Variants in RABEP1 observed in about 807,000 individuals in gnomAD.
The protein encoded by RABEP1 is rab GTPase-binding effector protein 1.
In RABEP1, 51 loss-of-function variants were observed where a neutral mutation model predicts 123.4. The observed-to-expected ratio is 0.41, with a 90% CI of 0.33 to 0.52. The LOEUF (loss-of-function observed/expected upper bound fraction) is 0.52. RABEP1 is among the 20% of genes least tolerant of loss of function. The pLI is 0.16. For synonymous variants in RABEP1, 347 were observed against 355.2 expected, an observed-to-expected ratio of 0.98 and a Z score of 0.26; for missense variants, 888 against 996.3, an observed-to-expected ratio of 0.89 and a Z score of 1.46.
chr17:5,358,049 G>A (rs1238084432), intron 8 of RABEP1, among the ~76,000 whole-genome samples: 1 of 152,114 alleles, frequency 6.6e-6, no homozygotes, highest in Non-Finnish European at 1.5e-5. Flanking sequence ...GGAGGTGGTT[G>A]GGATATGGGT....
intron 12 of RABEP1, 104 bp from the exon 13 acceptor site, chr17:5,373,210 C>A (rs766746549): frequency 1.9e-6 from 2 of 1,053,370 alleles, no homozygotes; most frequent in Non-Finnish European, 2.6e-6. Flanking sequence ...CATACCCCGT[C>A]CATCCTCAGC....
intron 7 of RABEP1, among the ~76,000 whole-genome samples, chr17:5,353,241 T>C (rs1908720315): frequency 6.6e-6 from 1 of 152,226 alleles, no homozygotes; most frequent in Non-Finnish European, 1.5e-5. Flanking sequence ...CCTGGAACCC[T>C]TAATTGTCTC....
intron 1 of RABEP1, among the ~76,000 whole-genome samples, chr17:5,295,171 CAG>C (rs1194954066): frequency 6.6e-6 from 1 of 151,636 alleles, no homozygotes; most frequent in Non-Finnish European, 1.5e-5. Flanking sequence ...CACCTGAAGT[CAG>C]GGGTTCGAGA....
chr17:5,306,487 G>A (rs898912232), intron 1 of RABEP1, among the ~76,000 whole-genome samples: 1 of 152,084 alleles, frequency 6.6e-6, no homozygotes, highest in East Asian at 1.9e-4. Flanking sequence ...TATTAGCTGG[G>A]CGTGGTGGCA....
In RABEP1 at chr17:5,361,361, T is replaced by C. The variant is rs201180289; in HGVS notation, c.1249T>C (p.Leu417=). Residue 417 remains leucine, a synonymous_variant, in exon 9 of 18, where the codon TTG becomes CTG. Coordinates refer to ENST00000537505, the MANE Select transcript of RABEP1 (RefSeq NM_004703.6). ...AGACAGCTTGGGAACCTCGGGCTCA[T>C]TGCAATCCAAAGCTTTAGGCTATAA... ...STDSLGTSGS[L]QSKALGYNYK... 378 of 1,614,052 alleles carry C rather than the reference T, an allele frequency of 2.3e-4. 1 individual carries two copies. Among genetic ancestry groups the C allele is most frequent in the Non-Finnish European group, 2.8e-4 (335 of 1,180,048 alleles).
chr17:5,324,345 T>C (rs1053223983), intron 2 of RABEP1, among the ~76,000 whole-genome samples: 1 of 151,974 alleles, frequency 6.6e-6, no homozygotes. Flanking sequence ...AAAAGGAAAG[T>C]CTCTTCAATA....
rs2144647879 is a variant in RABEP1, at chr17:5,350,602, A to G, written c.936A>G (p.Gln312=). 1 of 1,613,926 alleles carries G rather than the reference A, an allele frequency of 6.2e-7. No homozygotes were observed. Among genetic ancestry groups the G allele is most frequent in the Non-Finnish European group, 8.5e-7 (1 of 1,179,952 alleles). Reference sequence around the variant, plus strand: ...TGCTAACTTCAGAACAGCTCCGACAAGTTGAAGAACTGAAGAAGAAAGATC... The same window carrying G: ...TGCTAACTTCAGAACAGCTCCGACAGGTTGAAGAACTGAAGAAGAAAGATC... ...EIVLTSEQLR[Q]VEELKKKDQE... The change falls in exon 7 of 18, where the codon CAA becomes CAG. Residue 312 remains glutamine, a synonymous_variant. Coordinates refer to ENST00000537505, the MANE Select transcript of RABEP1 (RefSeq NM_004703.6).
At chr17:5,320,232 A>G (rs1290676644) in intron 2 of RABEP1, among the ~76,000 whole-genome samples, 2 of 152,068 alleles carry the variant, frequency 1.3e-5, no homozygotes, top group Non-Finnish European at 2.9e-5. Flanking sequence ...GACACCTTCA[A>G]TGTGCTGAAA....
chr17:5,333,873 C>G (rs1906795918), intron 3 of RABEP1, among the ~76,000 whole-genome samples: 1 of 152,118 alleles, frequency 6.6e-6, no homozygotes, highest in Non-Finnish European at 1.5e-5. Context: ...CTAGAAGTAC[C>G]CAGCATATCC....
At chr17:5,350,117 A>AGAG (rs1216038804) in intron 6 of RABEP1, among the ~76,000 whole-genome samples, 1 of 152,132 alleles carries the variant, frequency 6.6e-6, no homozygotes, top group Non-Finnish European at 1.5e-5. Context: ...GCGGTGGCTC[A>AGAG]CGCCTGTAAT....
intron 1 of RABEP1, among the ~76,000 whole-genome samples, chr17:5,294,633 C>CTTGTTTTTTTT (rs2075063715): frequency 1.9e-5 from 1 of 53,024 alleles, no homozygotes; most frequent in Non-Finnish European, 3.4e-5. Context: ...ACGGTATTGT[C>CTTGTTTTTTTT]TTTTTTTTTT....
intron 2 of RABEP1, among the ~76,000 whole-genome samples, chr17:5,323,758 G>A (rs1356153150): frequency 2.5e-5 from 2 of 79,790 alleles, no homozygotes; most frequent in Non-Finnish European, 4.7e-5. Flanking sequence ...ATATATCTAG[G>A]AATATATATA....
intron 12 of RABEP1, among the ~76,000 whole-genome samples, chr17:5,372,008 TAGCAGG>T (rs1205472156): frequency 7.9e-5 from 12 of 152,110 alleles, no homozygotes; most frequent in Non-Finnish European, 1.8e-4. Context: ...TACTACAGAT[TAGCAGG>T]AGTCACGTGC....
intron 5 of RABEP1, among the ~76,000 whole-genome samples, chr17:5,342,507 G>A (rs148015710): frequency 1.7e-4 from 26 of 152,242 alleles, no homozygotes; most frequent in Admixed American, 1.0e-3. Context: ...GCATGGTTGC[G>A]GAAGCCTGTA....
rs535623858 is a variant in RABEP1, at chr17:5,318,254, C to T, written c.163+9432C>T. ...CTTCAGTCTTCTTAGACTGAATTTT[C>T]AGCTTGTATGATCTGAGTTATTTCC... On this transcript the variant is annotated intron_variant, in intron 2 of 17. Transcript: ENST00000537505. Among the ~76,000 whole-genome samples the T allele has an allele frequency of 5.3e-5, 8 of 152,232 alleles. No individual in the cohort carries two copies. In the South Asian group the frequency reaches 1.0e-3, roughly 20 times the overall value.
At chr17:5,337,461 G>A (rs1191933966) in intron 4 of RABEP1, among the ~76,000 whole-genome samples, 3 of 152,030 alleles carry the variant, frequency 2.0e-5, no homozygotes, top group African/African-American at 2.4e-5. Context: ...CGAGGCGGGC[G>A]GATCATGAGG....
At chr17:5,284,945 G>C (rs940029110) in intron 1 of RABEP1, among the ~76,000 whole-genome samples, 1 of 149,860 alleles carries the variant, frequency 6.7e-6, no homozygotes, top group African/African-American at 2.5e-5. Context: ...GTTTTATCCT[G>C]TTTCAGAAGC....
rs1195670143 is a variant in RABEP1, at chr17:5,383,112, G to A, written c.2488-10G>A. 2 of 1,612,718 alleles carry A rather than the reference G, an allele frequency of 1.2e-6. No homozygotes were observed. The highest frequency in any genetic ancestry group is 1.7e-6 in the Non-Finnish European group (2 of 1,178,854). ...AGCCACCTGTAGTTATCTCACCATT[G>A]TTTCTCCAGGTGCAGTTAGAGCGGA... On this transcript the variant is annotated splice_polypyrimidine_tract_variant and intron_variant, in intron 17 of 17. Coordinates refer to ENST00000537505, the MANE Select transcript of RABEP1 (RefSeq NM_004703.6).
chr17:5,367,245 T>TACACACACAC (rs145302611), intron 11 of RABEP1, among the ~76,000 whole-genome samples: 2,323 of 147,730 alleles, frequency 0.016, 58 homozygotes, highest in African/African-American at 0.054. Context: ...AGAACTTAGA[T>TACACACACAC]ACACACACAC....
Sources: allele counts gnomAD v4.1 joint callset (sites outside exome capture counted in the v4.1 genomes callset), GRCh38; gene constraint gnomAD v4.1.1; transcripts MANE v1.5; gene names NCBI Gene and HGNC (gene_info 2026-07-23, HGNC 2026-07-21).